The following SUFU variants were observed in gnomAD, a reference collection of about 807,000 sequenced individuals.
SUFU encodes the protein SUFU negative regulator of hedgehog signaling, also known as suppressor of fused homolog.
In SUFU, 7 loss-of-function variants were observed where a neutral mutation model predicts 58.9. That is an observed-to-expected ratio of 0.12 (90% CI 0.07 to 0.22). SUFU has a LOEUF of 0.22. SUFU is among the 10% of genes least tolerant of loss of function. The probability of loss-of-function intolerance (pLI) is 1.00; values close to 1 mark genes in which losing one functional copy is unlikely to be tolerated. For missense variants in SUFU, 451 were observed against 641.3 expected (o/e 0.70, Z 3.20); for synonymous variants, 232 against 254.8 (o/e 0.91, Z 0.85).
chr10:102,537,129 CT>C (rs74317451), intron 2 of SUFU, among the ~76,000 whole-genome samples: 27,880 of 119,316 alleles, frequency 0.23, 2,435 homozygotes, highest in Non-Finnish European at 0.27. Flanking sequence ...TTAAATTTAC[CT>C]TTTTTTTTTT....
At chr10:102,582,251 G>A (rs1317196896) in intron 3 of SUFU, among the ~76,000 whole-genome samples, 7 of 152,142 alleles carry the variant, frequency 4.6e-5, no homozygotes, top group Non-Finnish European at 2.9e-5. Flanking sequence ...AGAACATCAC[G>A]GGGCCTGTAC....
chr10:102,539,825 T>G (rs1289835426), intron 2 of SUFU, among the ~76,000 whole-genome samples: 1 of 152,150 alleles, frequency 6.6e-6, no homozygotes, highest in Admixed American at 6.5e-5. Flanking sequence ...TAAATACAAA[T>G]CTATAAAGAG....
intron 2 of SUFU, among the ~76,000 whole-genome samples, chr10:102,543,345 T>C (rs905594236): frequency 1.3e-5 from 2 of 152,218 alleles, no homozygotes; most frequent in African/African-American, 2.4e-5. Flanking sequence ...AAGGGATATC[T>C]GTATATCTCG....
chr10:102,580,414 ACT>A (rs1340738050), intron 3 of SUFU, among the ~76,000 whole-genome samples: 5 of 151,736 alleles, frequency 3.3e-5, no homozygotes, highest in African/African-American at 4.8e-5. Flanking sequence ...TTGTCTCAAG[ACT>A]CTGCTGCAAG....
rs770167005 is a variant in SUFU, at chr10:102,593,987, C to T, written c.684-6C>T. 2 of 1,614,172 alleles carry T rather than the reference C, an allele frequency of 1.2e-6. No individual in the cohort carries two copies. Among genetic ancestry groups the T allele is most frequent in the South Asian group, 1.1e-5 (1 of 91,082 alleles). ...TTACCATTGTATCCCCTTTCCTTGT[C>T]CACAGTGCTGGCGGCCCCTGGCTGA... On this transcript the variant is annotated splice_polypyrimidine_tract_variant and splice_region_variant and intron_variant, in intron 5 of 11. Transcript: ENST00000369902.
intron 3 of SUFU, among the ~76,000 whole-genome samples, chr10:102,564,513 A>C (rs895376706): frequency 2.6e-5 from 4 of 152,056 alleles, no homozygotes; most frequent in African/African-American, 9.7e-5. Context: ...TTGTATTTTT[A>C]GTAGAGATGA....
Position 102,628,465 on chromosome 10 carries a change from C to T in SUFU, c.1365+1222C>T, listed in dbSNP as rs1021996736. ...CAAGTCACTGGTCCCTGAGTCCCAG[C>T]TCCCCATTCAGTCAGACCAGAGCCA... On this transcript the variant is annotated intron_variant, in intron 11 of 11. Coordinates refer to ENST00000369902, the MANE Select transcript of SUFU (RefSeq NM_016169.4). The surrounding 1 kb of genome is among the most constrained non-coding windows in gnomAD (Gnocchi z 4.5). Among the ~76,000 whole-genome samples the T allele has an allele frequency of 1.3e-5, 2 of 152,172 alleles. No homozygotes were observed. The highest frequency in any genetic ancestry group is 4.8e-5 in the African/African-American group (2 of 41,428).
intron 2 of SUFU, among the ~76,000 whole-genome samples, chr10:102,525,755 C>T (rs1442974719): frequency 2.6e-5 from 4 of 152,176 alleles, no homozygotes; most frequent in South Asian, 4.1e-4. Context: ...CCACCTGCCT[C>T]GGTGTCCCAA....
At chr10:102,516,125 C>CTTTTTTTTTTTTTTTTTT (rs60544094) in intron 2 of SUFU, among the ~76,000 whole-genome samples, 3 of 125,586 alleles carry the variant, frequency 2.4e-5, no homozygotes, top group Non-Finnish European at 5.0e-5. Context: ...TCTTTCTTTT[C>CTTTTTTTTTTTTTTTTTT]TTTTTTTTTT....
At chr10:102,529,115 C>G (rs1366713498) in intron 2 of SUFU, among the ~76,000 whole-genome samples, 2 of 151,792 alleles carry the variant, frequency 1.3e-5, no homozygotes, top group Non-Finnish European at 2.9e-5. Flanking sequence ...GTTATTTTTA[C>G]AAAGTTTTGC....
intron 2 of SUFU, among the ~76,000 whole-genome samples, chr10:102,525,928 A>G (rs937785680): frequency 6.6e-6 from 1 of 152,228 alleles, no homozygotes; most frequent in Non-Finnish European, 1.5e-5. Context: ...TATTGGAGAA[A>G]CATGAAAAAT....
chr10:102,535,780 G>A (rs1184888269), intron 2 of SUFU, among the ~76,000 whole-genome samples: 2 of 152,126 alleles, frequency 1.3e-5, no homozygotes, highest in Non-Finnish European at 2.9e-5. Flanking sequence ...CAGAGGAAGG[G>A]GCCTGACCTT....
At chr10:102,608,171 C>G (rs1287435546) in intron 8 of SUFU, among the ~76,000 whole-genome samples, 1 of 151,730 alleles carries the variant, frequency 6.6e-6, no homozygotes, top group Non-Finnish European at 1.5e-5. Flanking sequence ...TTGTAGTGAA[C>G]CAAGATAGCA....
chr10:102,561,574 G>C (rs1273580365), intron 3 of SUFU, among the ~76,000 whole-genome samples: 1 of 151,682 alleles, frequency 6.6e-6, no homozygotes, highest in Non-Finnish European at 1.5e-5. Context: ...CTGAGTCCTT[G>C]AGAATAGGTC....
chr10:102,570,135 C>T (rs2063145043), intron 3 of SUFU, among the ~76,000 whole-genome samples: 1 of 152,090 alleles, frequency 6.6e-6, no homozygotes, highest in South Asian at 2.1e-4. Context: ...TTTTCCTAGT[C>T]GTCTGGGCAG....
intron 2 of SUFU, among the ~76,000 whole-genome samples, chr10:102,538,790 A>T (rs145248137): frequency 1.3e-3 from 193 of 152,274 alleles, no homozygotes; most frequent in Admixed American, 3.4e-3. Context: ...TGTAGATAAG[A>T]AGAGAAGTAA....
At chr10:102,576,939 G>A in intron 3 of SUFU, among the ~76,000 whole-genome samples, 1 of 152,008 alleles carries the variant, frequency 6.6e-6, no homozygotes, top group East Asian at 1.9e-4. Flanking sequence ...TTGAACTCCT[G>A]GTCTGAAGCG....
At chr10:102,612,861 G>T (rs2063640938) in intron 8 of SUFU, among the ~76,000 whole-genome samples, 1 of 152,180 alleles carries the variant, frequency 6.6e-6, no homozygotes, top group Admixed American at 6.5e-5. Context: ...CTTGACAACA[G>T]AGCCTACCTC....
intron 3 of SUFU, among the ~76,000 whole-genome samples, chr10:102,558,247 A>G (rs892305877): frequency 6.6e-6 from 1 of 152,064 alleles, no homozygotes; most frequent in African/African-American, 2.4e-5. Flanking sequence ...TTTGTCACCC[A>G]GACTAGAGGC....
Sources: allele counts gnomAD v4.1 joint callset (sites outside exome capture counted in the v4.1 genomes callset), GRCh38; gene constraint gnomAD v4.1.1; non-coding constraint Gnocchi (gnomAD v3.1); transcripts MANE v1.5; gene names NCBI Gene and HGNC (gene_info 2026-07-23, HGNC 2026-07-21).